The following MSTO1 variants were observed in gnomAD, a reference collection of about 807,000 sequenced individuals.
MSTO1 encodes misato mitochondrial distribution and morphology regulator 1, also known as protein misato homolog 1.
In MSTO1, 24 loss-of-function variants were observed where a neutral mutation model predicts 55.7. That is an observed-to-expected ratio of 0.43 (90% confidence interval 0.31 to 0.61). The LOEUF (loss-of-function observed/expected upper bound fraction) is 0.61. MSTO1 is among the 20% of genes least tolerant of loss of function. MSTO1 has a pLI of 0.09. For synonymous variants in MSTO1, 162 were observed against 252.8 expected, an observed-to-expected ratio of 0.64 and a Z score of 3.41; for missense variants, 363 against 625.7, an observed-to-expected ratio of 0.58 and a Z score of 4.48.
At chr1:155,574,475 G>A in the MSTO1 span, among the ~76,000 whole-genome samples, 1 of 151,906 alleles carries the variant, frequency 6.6e-6, no homozygotes, top group Admixed American at 6.6e-5. Context: ...TATATATATA[G>A]ACATATATAT....
chr1:155,596,987 G>A, the MSTO1 span, among the ~76,000 whole-genome samples: 1 of 152,058 alleles, frequency 6.6e-6, no homozygotes, highest in South Asian at 2.1e-4. Context: ...CACACCTGTG[G>A]TCCCAGCTAC....
At chr1:155,585,471 T>C in the MSTO1 span, among the ~76,000 whole-genome samples, 5,940 of 144,232 alleles carry the variant, frequency 0.041, 390 homozygotes, top group African/African-American at 0.15. Context: ...TGCAGTGAGC[T>C]GAGATCGCGC....
chr1:155,613,014 A>T, intron 10 of MSTO1, 35 bp from the exon 11 acceptor site: 1 of 1,613,908 alleles, frequency 6.2e-7, no homozygotes, highest in South Asian at 1.1e-5. Flanking sequence ...GTGCTGAGAA[A>T]ATGTCCTATA....
the MSTO1 span, among the ~76,000 whole-genome samples, chr1:155,602,733 C>G: frequency 6.6e-6 from 1 of 151,990 alleles, no homozygotes; most frequent in East Asian, 1.9e-4. Context: ...AAATAGGCAA[C>G]AGTAAGTTGT....
chr1:155,576,093 A>AT, the MSTO1 span, among the ~76,000 whole-genome samples: 1 of 151,994 alleles, frequency 6.6e-6, no homozygotes, highest in Admixed American at 6.6e-5. Flanking sequence ...AAGTGCTGGG[A>AT]TTACAGGTGT....
chr1:155,590,039 T>G, the MSTO1 span, among the ~76,000 whole-genome samples: 1 of 140,018 alleles, frequency 7.1e-6, no homozygotes, highest in African/African-American at 2.7e-5. Flanking sequence ...AAGGGTGCAG[T>G]GTTGGAGGTG....
At chr1:155,567,222 C>G in the MSTO1 span, among the ~76,000 whole-genome samples, 2 of 151,270 alleles carry the variant, frequency 1.3e-5, no homozygotes, top group African/African-American at 4.9e-5. Context: ...CTCCCGGGTT[C>G]AAGTGATTCT....
chr1:155,564,072 A>G, the MSTO1 span: 61 of 164,140 alleles, frequency 3.7e-4, no homozygotes, highest in Middle Eastern at 3.3e-3. Context: ...TACTTGATCT[A>G]GTAGTTTTTA....
chr1:155,567,808 G>C, the MSTO1 span, among the ~76,000 whole-genome samples: 3 of 151,364 alleles, frequency 2.0e-5, no homozygotes. Context: ...GCCAAGGCAG[G>C]TGGATCACCT....
chr1:155,579,473 C>T, the MSTO1 span, among the ~76,000 whole-genome samples: 1 of 152,172 alleles, frequency 6.6e-6, no homozygotes, highest in Non-Finnish European at 1.5e-5. Flanking sequence ...TATTGAGTTC[C>T]CCATCACTGG....
chr1:155,587,745 GAA>G, the MSTO1 span, among the ~76,000 whole-genome samples: 2 of 47,438 alleles, frequency 4.2e-5, no homozygotes, highest in African/African-American at 7.9e-5. Context: ...CTCCGTCTCA[GAA>G]AAAAAAAAAA....
chr1:155,588,074 T>G, the MSTO1 span, among the ~76,000 whole-genome samples: 3 of 151,794 alleles, frequency 2.0e-5, no homozygotes, highest in Non-Finnish European at 4.4e-5. Context: ...CCAGGCGTGG[T>G]GCCAGGCGCC....
rs371395450 is a variant in MSTO1 at position 155,612,112 on chromosome 1, G to T, written c.678+12G>T. On this transcript the variant is annotated intron_variant, in intron 7 of 13. Transcript: ENST00000245564. ...GTGACTACTTGCAGGTAGTGGCGTG[G>T]CAATGTGCACTCCAGGGTGGAAGCT... 1 of 1,612,726 alleles carries T rather than the reference G, an allele frequency of 6.2e-7. No individual in the cohort carries two copies. Among genetic ancestry groups the T allele is most frequent in the Non-Finnish European group, 8.5e-7 (1 of 1,179,704 alleles).
At chr1:155,604,772 G>A in the MSTO1 span, among the ~76,000 whole-genome samples, 1 of 152,182 alleles carries the variant, frequency 6.6e-6, no homozygotes, top group Non-Finnish European at 1.5e-5. Context: ...CTACTTGGGG[G>A]GCTGAGGTGG....
At chr1:155,605,274 A>G (rs1259776339), upstream of MSTO1, among the ~76,000 whole-genome samples, 1 of 152,070 alleles carries the variant, frequency 6.6e-6, no homozygotes, top group Non-Finnish European at 1.5e-5. Flanking sequence ...ACAAAACAAA[A>G]CAAAACAAAA....
chr1:155,576,389 C>T, the MSTO1 span, among the ~76,000 whole-genome samples: 2 of 151,360 alleles, frequency 1.3e-5, no homozygotes, highest in South Asian at 2.1e-4. Flanking sequence ...TGCAGTGACG[C>T]GATCTCAGCT....
the MSTO1 span, among the ~76,000 whole-genome samples, chr1:155,600,956 G>A: frequency 6.8e-6 from 1 of 146,974 alleles, no homozygotes; most frequent in Non-Finnish European, 1.5e-5. Flanking sequence ...GATTACAGGT[G>A]TGAGCCACTG....
At chr1:155,566,208 GC>G in the MSTO1 span, 1 of 152,192 alleles carries the variant, frequency 6.6e-6, no homozygotes, top group Non-Finnish European at 1.5e-5. Flanking sequence ...CTCCAACAGT[GC>G]CTTCTTGTGT....
At chr1:155,612,680 C>A (rs1674512806) in intron 9 of MSTO1, 110 bp downstream of exon 9, 3 of 1,435,718 alleles carry the variant, frequency 2.1e-6, no homozygotes, top group Admixed American at 4.3e-5. Flanking sequence ...AGCTTGAACT[C>A]AGCTGTGATG....
Sources: allele counts gnomAD v4.1 joint callset (sites outside exome capture counted in the v4.1 genomes callset), GRCh38; gene constraint gnomAD v4.1.1; transcripts MANE v1.5; gene names NCBI Gene and HGNC (gene_info 2026-07-23, HGNC 2026-07-21).